The following FTO variants were observed in gnomAD, a reference collection of about 807,000 sequenced individuals.
FTO encodes the protein alpha-ketoglutarate-dependent dioxygenase FTO.
A neutral mutation model predicts 63.9 loss-of-function variants in FTO; 47 were observed. The observed-to-expected ratio is 0.74, with a 90% CI of 0.58 to 0.94. FTO has a LOEUF of 0.94. FTO is among the 40% of genes least tolerant of loss of function. FTO has a pLI of 0.00. For missense variants in FTO, 562 were observed against 618.1 expected, an observed-to-expected ratio of 0.91 and a Z score of 0.96; for synonymous variants, 207 against 224.4, an observed-to-expected ratio of 0.92 and a Z score of 0.69.
chr16:53,729,596 G>A (rs1231350428), intron 1 of FTO, among the ~76,000 whole-genome samples: 2 of 151,998 alleles, frequency 1.3e-5, no homozygotes, highest in Non-Finnish European at 2.9e-5. Context: ...TCAGACTCCT[G>A]GGCTTGCTGT....
intron 4 of FTO, among the ~76,000 whole-genome samples, chr16:53,850,579 C>A (rs1287876240): frequency 6.6e-6 from 1 of 151,960 alleles, no homozygotes; most frequent in African/African-American, 2.4e-5. Flanking sequence ...TTGTTACATC[C>A]AGGTTTTTGC....
intron 8 of FTO, among the ~76,000 whole-genome samples, chr16:53,971,054 A>T (rs1294033705): frequency 6.6e-6 from 1 of 152,236 alleles, no homozygotes; most frequent in Non-Finnish European, 1.5e-5. Context: ...GTTTTAAAAT[A>T]GTTGTAATCA....
At chr16:53,904,054 A>G (rs1224989690) in intron 7 of FTO, among the ~76,000 whole-genome samples, 2 of 151,840 alleles carry the variant, frequency 1.3e-5, no homozygotes, top group African/African-American at 4.8e-5. Context: ...ATCTATATAC[A>G]TGTGTATATG....
At chr16:54,020,173 T>C (rs2084554893) in intron 8 of FTO, among the ~76,000 whole-genome samples, 1 of 152,218 alleles carries the variant, frequency 6.6e-6, no homozygotes, top group African/African-American at 2.4e-5. Context: ...ACTGTATGCC[T>C]CAGAAATTTA....
chr16:53,930,358 G>A (rs1269488318), intron 7 of FTO, among the ~76,000 whole-genome samples: 2 of 150,652 alleles, frequency 1.3e-5, no homozygotes, highest in Non-Finnish European at 3.0e-5. Flanking sequence ...TGAGTAGCTG[G>A]GACTACGGGC....
At chr16:54,062,968 T>G (rs1238522764) in intron 8 of FTO, among the ~76,000 whole-genome samples, 1 of 152,192 alleles carries the variant, frequency 6.6e-6, no homozygotes, top group Non-Finnish European at 1.5e-5. Flanking sequence ...GCAAAGTGTG[T>G]GTGTGCACAC....
intron 1 of FTO, among the ~76,000 whole-genome samples, chr16:53,733,334 G>A (rs934480638): frequency 6.6e-6 from 1 of 152,152 alleles, no homozygotes; most frequent in South Asian, 2.1e-4. Flanking sequence ...CCTGAGAGGC[G>A]GAGGTTGCAG....
intron 8 of FTO, among the ~76,000 whole-genome samples, chr16:54,058,043 G>T (rs2085479104): frequency 6.6e-6 from 1 of 152,122 alleles, no homozygotes; most frequent in Admixed American, 6.5e-5. Context: ...GGACATGGGT[G>T]GTACTGTGTG....
At chr16:54,053,710 A>C (rs1309238688) in intron 8 of FTO, among the ~76,000 whole-genome samples, 1 of 152,070 alleles carries the variant, frequency 6.6e-6, no homozygotes, top group African/African-American at 2.4e-5. Context: ...TCAGATCTCT[A>C]TTTGTCAAGC....
intron 7 of FTO, among the ~76,000 whole-genome samples, chr16:53,900,189 G>A (rs1485701890): frequency 1.3e-5 from 2 of 152,134 alleles, no homozygotes; most frequent in Admixed American, 1.3e-4. Context: ...GGATTCTCAG[G>A]ATCTGTCTTT....
chr16:54,018,371 TTAGATAGATAGATGA>T (rs796541375), intron 8 of FTO, among the ~76,000 whole-genome samples: 4,403 of 138,864 alleles, frequency 0.032, 112 homozygotes, highest in Middle Eastern at 0.12. Context: ...TGGTTATAGC[TTAGATAGATAGATGA>T]TAGATAGATA....
chr16:53,908,208 A>G (rs777956734), intron 7 of FTO, among the ~76,000 whole-genome samples: 5 of 152,244 alleles, frequency 3.3e-5, no homozygotes, highest in Admixed American at 6.5e-5. Context: ...AGGTCCTATT[A>G]TCTGCAATAA....
intron 4 of FTO, among the ~76,000 whole-genome samples, chr16:53,870,246 A>T (rs2080456666): frequency 6.6e-6 from 1 of 151,930 alleles, no homozygotes; most frequent in African/African-American, 2.4e-5. Flanking sequence ...TAAAGTCGCT[A>T]TTTTTTCCCT....
chr16:53,872,136 G>A (rs2080517813), intron 4 of FTO, among the ~76,000 whole-genome samples: 1 of 152,144 alleles, frequency 6.6e-6, no homozygotes, highest in African/African-American at 2.4e-5. Context: ...CTTTCCTAAG[G>A]ATTTTCTAGT....
At chr16:54,085,995 A>G (rs1484097891) in intron 8 of FTO, among the ~76,000 whole-genome samples, 2 of 152,212 alleles carry the variant, frequency 1.3e-5, no homozygotes, top group African/African-American at 2.4e-5. Context: ...CCCAGTACCA[A>G]GAACGCAGGA....
At chr16:53,860,842 A>G (rs774635391) in intron 4 of FTO, among the ~76,000 whole-genome samples, 12 of 151,834 alleles carry the variant, frequency 7.9e-5, no homozygotes, top group Non-Finnish European at 1.5e-4. Context: ...TGTATTACAT[A>G]TGTGAAATTA....
chr16:53,946,872 C>A (rs1027556490), intron 8 of FTO, among the ~76,000 whole-genome samples: 7 of 152,214 alleles, frequency 4.6e-5, no homozygotes, highest in Non-Finnish European at 1.0e-4. Flanking sequence ...AGGCAGCCTG[C>A]ACAGTAATGA....
At chr16:53,967,536 C>A (rs2143693062) in intron 8 of FTO, among the ~76,000 whole-genome samples, 1 of 152,200 alleles carries the variant, frequency 6.6e-6, no homozygotes, top group Admixed American at 6.5e-5. Context: ...TACATATAAC[C>A]TAGTGGCTAG....
At chr16:53,829,812 AAG>A (rs2079097887) in intron 3 of FTO, among the ~76,000 whole-genome samples, 1 of 152,116 alleles carries the variant, frequency 6.6e-6, no homozygotes, top group Admixed American at 6.5e-5. Context: ...TTGGGTTTGA[AAG>A]AGACTTTTGA....
Sources: gnomAD v4.1 joint callset for allele counts (sites outside exome capture counted in the v4.1 genomes callset) on GRCh38, gnomAD v4.1.1 for gene constraint, MANE v1.5 for transcripts, NCBI Gene and HGNC (gene_info 2026-07-23, HGNC 2026-07-21) for gene names.